Variants in MFHAS1 observed in about 807,000 individuals in gnomAD.
MFHAS1 encodes multifunctional ROCO family signaling regulator 1, also known as malignant fibrous histiocytoma-amplified sequence 1.
A neutral mutation model predicts 70.4 loss-of-function variants in MFHAS1; 50 were observed. The ratio of observed to expected loss-of-function variants is 0.71; its 90% CI spans 0.57 to 0.90. The LOEUF is 0.90. Among genes scored for constraint, MFHAS1 ranks in the 40% least tolerant of loss-of-function variants. The pLI is 0.00. For synonymous variants in MFHAS1, 952 were observed against 620.0 expected (o/e 1.54, Z -7.96); for missense variants, 1,795 against 1,347.6 (o/e 1.33, Z -5.20).
chr8:8,808,979 C>T (rs1299197542), intron 1 of MFHAS1, among the ~76,000 whole-genome samples: 1 of 152,126 alleles, frequency 6.6e-6, no homozygotes, highest in East Asian at 1.9e-4. Context: ...CTCCCCATTG[C>T]TCAAATTACC....
intron 1 of MFHAS1, among the ~76,000 whole-genome samples, chr8:8,798,570 C>G (rs562537201): frequency 3.8e-4 from 58 of 152,268 alleles, no homozygotes; most frequent in African/African-American, 1.1e-3. Flanking sequence ...CTTCTGGCCT[C>G]AAGCAATCCT....
At chr8:8,834,985 T>TA (rs1468122411) in intron 1 of MFHAS1, among the ~76,000 whole-genome samples, 4 of 152,136 alleles carry the variant, frequency 2.6e-5, no homozygotes, top group Non-Finnish European at 5.9e-5. Context: ...TTCAACACCA[T>TA]AAAAAATTAT....
intron 1 of MFHAS1, among the ~76,000 whole-genome samples, chr8:8,853,464 C>CT (rs200619610): frequency 0.021 from 2,039 of 97,520 alleles, 51 homozygotes; most frequent in African/African-American, 0.079. Flanking sequence ...TCTGCTCATT[C>CT]TTAAAAAAAA....
At chr8:8,840,115 C>T (rs1352818460) in intron 1 of MFHAS1, among the ~76,000 whole-genome samples, 1 of 152,118 alleles carries the variant, frequency 6.6e-6, no homozygotes, top group Non-Finnish European at 1.5e-5. Flanking sequence ...CTGTTCCAAC[C>T]CCACTGCCAC....
intron 1 of MFHAS1, among the ~76,000 whole-genome samples, chr8:8,871,160 C>T (rs1488973702): frequency 6.6e-6 from 1 of 152,274 alleles, no homozygotes; most frequent in African/African-American, 2.4e-5. Flanking sequence ...GTGCCCCTGG[C>T]CATATGACTT....
At chr8:8,813,286 T>C (rs544013306) in intron 1 of MFHAS1, among the ~76,000 whole-genome samples, 18 of 152,374 alleles carry the variant, frequency 1.2e-4, no homozygotes, top group Non-Finnish European at 1.6e-4. Flanking sequence ...CAAACGACTA[T>C]GTTACTGGAT....
chr8:8,879,243 T>C (rs1809414184), intron 1 of MFHAS1, among the ~76,000 whole-genome samples: 1 of 151,934 alleles, frequency 6.6e-6, no homozygotes, highest in Non-Finnish European at 1.5e-5. Context: ...TCCCAGCTAG[T>C]TGGGAGATGA....
At chr8:8,859,111 G>T (rs541022829) in intron 1 of MFHAS1, among the ~76,000 whole-genome samples, 64 of 152,204 alleles carry the variant, frequency 4.2e-4, no homozygotes, top group Non-Finnish European at 7.9e-4. Flanking sequence ...CCAAAACTTT[G>T]GGAGGCTGAG....
chr8:8,883,665 G>GC (rs1460546483), intron 1 of MFHAS1, among the ~76,000 whole-genome samples: 1 of 121,976 alleles, frequency 8.2e-6, no homozygotes, highest in Non-Finnish European at 1.6e-5. Flanking sequence ...CTCAGACAGC[G>GC]CCACTACACT....
chr8:8,791,763 C>A, intron 2 of MFHAS1, among the ~76,000 whole-genome samples: 1 of 152,110 alleles, frequency 6.6e-6, no homozygotes, highest in Non-Finnish European at 1.5e-5. Flanking sequence ...AGGCTCAGTA[C>A]CCCTGAAATA....
At chr8:8,801,737 T>A (rs1465802030) in intron 1 of MFHAS1, among the ~76,000 whole-genome samples, 1 of 152,192 alleles carries the variant, frequency 6.6e-6, no homozygotes, top group African/African-American at 2.4e-5. Context: ...GGGTGAGGAC[T>A]GAAGAAGACG....
chr8:8,855,385 A>C (rs4348501), intron 1 of MFHAS1, among the ~76,000 whole-genome samples: 1 of 152,132 alleles, frequency 6.6e-6, no homozygotes, highest in Admixed American at 6.5e-5. Context: ...AGAATCATAC[A>C]ATGGAGGATT....
Position 8,805,273 on chromosome 8 carries a change from C to T in MFHAS1, c.2999-7782G>A, listed in dbSNP as rs1020934285. On this transcript the variant is annotated intron_variant, in intron 1 of 2. Coordinates refer to ENST00000276282, the MANE Select transcript of MFHAS1 (RefSeq NM_004225.3). ...AACACCCCAAGCAGTCAAAAATCCA[C>T]GTATCATTTCTGACCACCCCCAGAA... 2.0e-5 allele frequency among the ~76,000 whole-genome samples: 3 copies of T among 152,328 alleles called. No homozygotes were observed. In the South Asian group the frequency reaches 6.2e-4, roughly 32 times the overall value.
rs571961911 is a variant in MFHAS1, at chr8:8,812,182, T to C, written c.2999-14691A>G. Among the ~76,000 whole-genome samples, 573 of 152,014 alleles carry C rather than the reference T, an allele frequency of 3.8e-3. 3 individuals carry two copies. Among genetic ancestry groups the C allele is most frequent in the African/African-American group, 0.013 (550 of 41,496 alleles). ...GGCTCGGAGAAGCCCGTAAGTGTAG[T>C]GCAAAATGTCCTCTTCTGAATCGTA... is the stretch of plus-strand genomic sequence containing the variant. On this transcript the variant is annotated intron_variant, in intron 1 of 2. Transcript: ENST00000276282.
chr8:8,823,137 T>C (rs1454213535), intron 1 of MFHAS1, among the ~76,000 whole-genome samples: 1 of 152,202 alleles, frequency 6.6e-6, no homozygotes, highest in Non-Finnish European at 1.5e-5. Context: ...GACTTTCCTT[T>C]CAAATTAGCT....
At chr8:8,808,583 C>T (rs1457014588) in intron 1 of MFHAS1, among the ~76,000 whole-genome samples, 1 of 152,026 alleles carries the variant, frequency 6.6e-6, no homozygotes, top group Admixed American at 6.6e-5. Context: ...CTGAAATTAC[C>T]AGATCTACAG....
chr8:8,870,896 G>A (rs939419010), intron 1 of MFHAS1, among the ~76,000 whole-genome samples: 6 of 152,174 alleles, frequency 3.9e-5, no homozygotes, highest in Non-Finnish European at 7.3e-5. Context: ...AAGCAACCAT[G>A]TGCATTTCAC....
chr8:8,801,322 T>C (rs778284928), intron 1 of MFHAS1, among the ~76,000 whole-genome samples: 4 of 152,066 alleles, frequency 2.6e-5, no homozygotes, highest in Non-Finnish European at 5.9e-5. Flanking sequence ...AGGTAACTGG[T>C]TTTGTTTGGG....
chr8:8,836,436 T>G (rs1318833832), intron 1 of MFHAS1, among the ~76,000 whole-genome samples: 2 of 152,148 alleles, frequency 1.3e-5, no homozygotes, highest in African/African-American at 4.8e-5. Flanking sequence ...TGGAGTGCAG[T>G]GGCATGATCG....
Sources: gnomAD v4.1 joint callset for allele counts (sites outside exome capture counted in the v4.1 genomes callset) on GRCh38, gnomAD v4.1.1 for gene constraint, MANE v1.5 for transcripts, NCBI Gene and HGNC (gene_info 2026-07-23, HGNC 2026-07-21) for gene names.